Variants in VEGFC observed in about 807,000 individuals in gnomAD.
VEGFC encodes FLT4 ligand DHM.
VEGFC carries 12 observed loss-of-function variants against 46.1 expected under a neutral mutation model. The ratio of observed to expected loss-of-function variants is 0.26; its 90% CI spans 0.17 to 0.42. The LOEUF is 0.42. Among genes scored for constraint, VEGFC ranks in the 10% least tolerant of loss-of-function variants. The probability of loss-of-function intolerance (pLI) is 1.00; values close to 1 mark genes in which losing one functional copy is unlikely to be tolerated. For synonymous variants in VEGFC, 232 were observed against 195.5 expected (o/e 1.19, Z -1.56); for missense variants, 488 against 529.4 (o/e 0.92, Z 0.77).
At chr4:176,751,081 T>C (rs1424067680) in intron 1 of VEGFC, among the ~76,000 whole-genome samples, 1 of 151,678 alleles carries the variant, frequency 6.6e-6, no homozygotes, top group Non-Finnish European at 1.5e-5. Flanking sequence ...GAATAATAAA[T>C]TTAAGGTAAT....
At chr4:176,764,397 C>G (rs777132534) in intron 1 of VEGFC, among the ~76,000 whole-genome samples, 8 of 152,234 alleles carry the variant, frequency 5.3e-5, no homozygotes, top group Non-Finnish European at 1.2e-4. Flanking sequence ...AGATCACGGA[C>G]AGAGGGTACA....
intron 1 of VEGFC, among the ~76,000 whole-genome samples, chr4:176,785,570 T>A (rs555608893): frequency 6.6e-6 from 1 of 152,328 alleles, no homozygotes; most frequent in African/African-American, 2.4e-5. Context: ...CCCACCTTTC[T>A]GGTCTCATTT....
intron 4 of VEGFC, among the ~76,000 whole-genome samples, chr4:176,710,767 T>A (rs567437493): frequency 2.6e-5 from 4 of 152,090 alleles, no homozygotes; most frequent in Non-Finnish European, 5.9e-5. Flanking sequence ...GTAATGCATA[T>A]TAATTCATTA....
At chr4:176,756,277 T>C (rs1347999616) in intron 1 of VEGFC, among the ~76,000 whole-genome samples, 1 of 152,122 alleles carries the variant, frequency 6.6e-6, no homozygotes, top group Non-Finnish European at 1.5e-5. Context: ...GTCTAGGTTC[T>C]GGGCATTCAG....
intron 1 of VEGFC, among the ~76,000 whole-genome samples, chr4:176,744,676 T>C (rs141804384): frequency 1.3e-5 from 2 of 152,224 alleles, no homozygotes; most frequent in East Asian, 3.9e-4. Context: ...ATGTTTATTA[T>C]TGTTGACCAG....
intron 1 of VEGFC, among the ~76,000 whole-genome samples, chr4:176,769,891 A>C (rs1322513258): frequency 6.6e-6 from 1 of 152,192 alleles, no homozygotes; most frequent in African/African-American, 2.4e-5. Flanking sequence ...TCCAGTAATA[A>C]CATAAAATAG....
At chr4:176,751,902 G>GC (rs1174713322) in intron 1 of VEGFC, among the ~76,000 whole-genome samples, 2 of 151,512 alleles carry the variant, frequency 1.3e-5, no homozygotes, top group African/African-American at 4.8e-5. Flanking sequence ...ATTTGATAGA[G>GC]CCCCACCATG....
At chr4:176,727,709 C>T in intron 3 of VEGFC, 69 bp downstream of exon 3, 1 of 1,488,058 alleles carries the variant, frequency 6.7e-7, no homozygotes, top group Non-Finnish European at 9.0e-7. Flanking sequence ...AGTTTAAACA[C>T]ATCATCCCCA....
At chr4:176,711,361 AT>A (rs1432056655) in intron 4 of VEGFC, 137 bp downstream of exon 4, 8 of 1,026,492 alleles carry the variant, frequency 7.8e-6, no homozygotes, top group Non-Finnish European at 1.1e-5. Context: ...ACTATACAAA[AT>A]TTTGTCTTTG....
chr4:176,690,818 C>A (rs1331316545), intron 4 of VEGFC, among the ~76,000 whole-genome samples: 1 of 152,176 alleles, frequency 6.6e-6, no homozygotes, highest in Non-Finnish European at 1.5e-5. Context: ...AAGTAACACA[C>A]TGCCATGTTG....
intron 1 of VEGFC, among the ~76,000 whole-genome samples, chr4:176,729,951 T>A (rs2111018775): frequency 6.6e-6 from 1 of 152,294 alleles, no homozygotes; most frequent in African/African-American, 2.4e-5. Context: ...AAAATACATA[T>A]TTTGTTGTTA....
chr4:176,700,331 C>T (rs1446877167), intron 4 of VEGFC, among the ~76,000 whole-genome samples: 4 of 151,694 alleles, frequency 2.6e-5, no homozygotes, highest in Admixed American at 2.0e-4. Context: ...GCAGGAGAAT[C>T]GCTGGAACCC....
chr4:176,717,198 T>C (rs1278377780), intron 3 of VEGFC, among the ~76,000 whole-genome samples: 1 of 152,116 alleles, frequency 6.6e-6, no homozygotes, highest in African/African-American at 2.4e-5. Flanking sequence ...GCCTGACATA[T>C]ACTTTAGGCA....
chr4:176,702,580 T>G (rs1332919374), intron 4 of VEGFC, among the ~76,000 whole-genome samples: 1 of 152,138 alleles, frequency 6.6e-6, no homozygotes, highest in Non-Finnish European at 1.5e-5. Context: ...AGTATTGTGT[T>G]TTCATTTAAT....
At chr4:176,693,446 G>C (rs1471107433) in intron 4 of VEGFC, among the ~76,000 whole-genome samples, 1 of 139,588 alleles carries the variant, frequency 7.2e-6, no homozygotes, top group East Asian at 2.0e-4. Context: ...AAAAAGAAAT[G>C]AGCAAAGCCT....
At chr4:176,740,678 G>T (rs949947330) in intron 1 of VEGFC, among the ~76,000 whole-genome samples, 1 of 150,688 alleles carries the variant, frequency 6.6e-6, no homozygotes, top group Admixed American at 6.7e-5. Flanking sequence ...ACTTATTTTA[G>T]ATTTGCCATC....
intron 4 of VEGFC, among the ~76,000 whole-genome samples, chr4:176,698,689 G>A (rs1329145726): frequency 6.6e-6 from 1 of 152,032 alleles, no homozygotes; most frequent in African/African-American, 2.4e-5. Context: ...GTAACTGCAA[G>A]TTGTCACACT....
intron 1 of VEGFC, among the ~76,000 whole-genome samples, chr4:176,752,697 CT>C (rs1035804607): frequency 1.3e-5 from 2 of 152,000 alleles, no homozygotes; most frequent in African/African-American, 4.8e-5. Flanking sequence ...GAAATAATAA[CT>C]TACACACAAA....
At chr4:176,724,281 C>A (rs903294655) in intron 3 of VEGFC, among the ~76,000 whole-genome samples, 1 of 152,092 alleles carries the variant, frequency 6.6e-6, no homozygotes, top group African/African-American at 2.4e-5. Context: ...GGGGGAAATG[C>A]TGTGGATGTG....
Sources: allele counts gnomAD v4.1 joint callset (sites outside exome capture counted in the v4.1 genomes callset), GRCh38; gene constraint gnomAD v4.1.1; transcripts MANE v1.5; gene names NCBI Gene and HGNC (gene_info 2026-07-23, HGNC 2026-07-21).